Variants in SCN4B observed in about 807,000 individuals in gnomAD.
SCN4B encodes sodium channel regulatory subunit beta-4.
Under a neutral mutation model 19.6 loss-of-function variants are expected in SCN4B, and 20 were observed. The ratio of observed to expected loss-of-function variants is 1.02; its 90% CI spans 0.72 to 1.48. The LOEUF (loss-of-function observed/expected upper bound fraction) is 1.48, where lower values mean the gene tolerates loss of function less well. SCN4B is among the 40% of genes most tolerant of loss of function. The pLI, the probability that SCN4B is intolerant of heterozygous loss-of-function variation, is 0.00. For missense variants in SCN4B, 271 were observed against 287.5 expected (o/e 0.94, Z 0.42); for synonymous variants, 127 against 122.8 (o/e 1.03, Z -0.22).
rs1948134379 is a variant in SCN4B at position 118,143,951 on chromosome 11, G to A, written c.345C>T (p.Ser115=). ...GSTKEKMNNI[S]IVLRDLEFSD... ...TGAACTCCAGGTCCCTCAGCACAAT[G>A]GAAATGTTGTTCATCTTCTCCTTAG... Residue 115 remains serine (S), a synonymous_variant, in exon 3 of 5, where the codon TCC becomes TCT. Coordinates refer to ENST00000324727, the MANE Select transcript of SCN4B (RefSeq NM_174934.4). The A allele has an allele frequency of 2.5e-6, 4 of 1,614,084 alleles. No homozygotes were observed. The highest frequency in any genetic ancestry group is 3.4e-6 in the Non-Finnish European group (4 of 1,179,956).
intron 4 of SCN4B, among the ~76,000 whole-genome samples, chr11:118,138,066 T>A (rs535472381): frequency 6.4e-4 from 97 of 152,220 alleles, no homozygotes; most frequent in African/African-American, 2.3e-3. Flanking sequence ...CGCTCTGAGC[T>A]GGACATGCTC....
chr11:118,150,134 G>T (rs1367900827), intron 1 of SCN4B, among the ~76,000 whole-genome samples: 1 of 152,154 alleles, frequency 6.6e-6, no homozygotes, highest in African/African-American at 2.4e-5. Context: ...ACCCTCACAA[G>T]TGATAATTAA....
In SCN4B at chr11:118,152,659, C is replaced by T; in HGVS notation, c.15G>A (p.Gly5=). Residue 5 remains glycine, a synonymous_variant, in exon 1 of 5, where the codon GGG becomes GGA. Coordinates refer to ENST00000324727, the MANE Select transcript of SCN4B (RefSeq NM_174934.4). Reference sequence around the variant, plus strand: ...ATCTCGCCGGGGCTTTGCCTCCGTCCCCAGCCCCGGGCATAGTCCTGTTCT... The same window carrying T: ...ATCTCGCCGGGGCTTTGCCTCCGTCTCCAGCCCCGGGCATAGTCCTGTTCT... MPGA[G]DGGKAPARWL... The T allele has an allele frequency of 6.2e-7, 1 of 1,611,118 alleles. No homozygotes were observed. The highest frequency in any genetic ancestry group is 8.5e-7 in the Non-Finnish European group (1 of 1,178,374).
intron 1 of SCN4B, 181 bp from the exon 2 acceptor site, chr11:118,145,410 T>G: frequency 6.6e-7 from 1 of 1,522,828 alleles, no homozygotes; most frequent in Non-Finnish European, 8.8e-7. Flanking sequence ...TCCATCATTC[T>G]CCATTTCTCC....
At chr11:118,143,341 G>A (rs1452499143) in intron 3 of SCN4B, among the ~76,000 whole-genome samples, 1 of 152,234 alleles carries the variant, frequency 6.6e-6, no homozygotes, top group Non-Finnish European at 1.5e-5. Flanking sequence ...TCTACTGACA[G>A]ATGTATGCAT....
chr11:118,145,719 T>C, intron 1 of SCN4B: 1 of 297,218 alleles, frequency 3.4e-6, no homozygotes, highest in Non-Finnish European at 6.6e-6. Flanking sequence ...CCGGGTCCCG[T>C]AAGGTGAAGA....
At chr11:118,143,431 A>G (rs1224673868) in intron 3 of SCN4B, among the ~76,000 whole-genome samples, 1 of 152,218 alleles carries the variant, frequency 6.6e-6, no homozygotes, top group African/African-American at 2.4e-5. Flanking sequence ...AATGTAATGT[A>G]TCACTCATAG....
intron 3 of SCN4B, among the ~76,000 whole-genome samples, chr11:118,142,559 A>G (rs1948111882): frequency 1.3e-5 from 2 of 151,882 alleles, no homozygotes; most frequent in Non-Finnish European, 2.9e-5. Flanking sequence ...GTATCTCCAT[A>G]CACAGAAGAG....
At chr11:118,147,791 G>A (rs1057366378) in intron 1 of SCN4B, among the ~76,000 whole-genome samples, 10 of 152,152 alleles carry the variant, frequency 6.6e-5, no homozygotes, top group African/African-American at 1.9e-4. Flanking sequence ...CTCCCTCAGG[G>A]CACCAAGGAG....
At chr11:118,146,644 TGAAG>T (rs774517775) in intron 1 of SCN4B, among the ~76,000 whole-genome samples, 120 of 152,330 alleles carry the variant, frequency 7.9e-4, no homozygotes, top group South Asian at 3.1e-3. Flanking sequence ...GATGACAAAG[TGAAG>T]TGCTTATATC....
chr11:118,140,421 T>TG (rs1948079945), intron 4 of SCN4B, among the ~76,000 whole-genome samples: 1 of 152,172 alleles, frequency 6.6e-6, no homozygotes. Flanking sequence ...TTTCAGCAAA[T>TG]AGGGGCAGAG....
At chr11:118,137,201 G>A in intron 4 of SCN4B, 81 bp from the exon 5 acceptor site, 1 of 1,034,016 alleles carries the variant, frequency 9.7e-7, no homozygotes, top group Non-Finnish European at 1.5e-6. Context: ...CGTGGGCCCT[G>A]CACCCAGCCC....
intron 4 of SCN4B, among the ~76,000 whole-genome samples, chr11:118,139,582 T>G (rs1321336952): frequency 1.3e-5 from 2 of 151,588 alleles, no homozygotes; most frequent in Non-Finnish European, 2.9e-5. Context: ...AACAGATAAA[T>G]GAATGAACTC....
At position 118,137,057 on chromosome 11, in the gene SCN4B, C is replaced by T. The variant is rs753803503; in HGVS notation, c.657G>A (p.Lys219=). The change falls in exon 5 of 5, where the codon AAG becomes AAA. Residue 219 remains lysine (K), a synonymous_variant. Coordinates refer to ENST00000324727, the MANE Select transcript of SCN4B (RefSeq NM_174934.4). ...CTTTTGAAGGTGGTTTCTCCTCTGC[C>T]TTGGAGCCAGGCAAGCCGTTCTCCG... The part of the protein sequence containing the change: ...DNTENGLPGS[K]AEEKPPSKV 1 of 1,614,122 alleles carries T rather than the reference C, an allele frequency of 6.2e-7. No homozygotes were observed. The highest frequency in any genetic ancestry group is 1.1e-5 in the South Asian group (1 of 91,084).
chr11:118,147,307 A>G (rs628299), intron 1 of SCN4B, among the ~76,000 whole-genome samples: 63,207 of 152,064 alleles, frequency 0.42, 13,244 homozygotes, highest in African/African-American at 0.46. Flanking sequence ...AGCAGTTACT[A>G]TAGGATAGGA....
chr11:118,143,472 C>A (rs1948126095), intron 3 of SCN4B, among the ~76,000 whole-genome samples: 1 of 152,208 alleles, frequency 6.6e-6, no homozygotes. Flanking sequence ...GACATTCAAT[C>A]AATTTTTGCT....
chr11:118,135,475 A>G lies in SCN4B; in HGVS notation c.*1552T>C, dbSNP rs1947981593. 2 of 454,096 alleles carry G rather than the reference A, an allele frequency of 4.4e-6. No homozygotes were observed. The highest frequency in any genetic ancestry group is 8.8e-6 in the Non-Finnish European group (2 of 226,786). 28.1% of individuals were successfully genotyped at this position (454,096 alleles called of 1,614,324 possible). On this transcript the variant is annotated 3_prime_UTR_variant, in exon 5 of 5. Transcript: ENST00000324727. ...TAAGGGAGAGAGGGATTGGAAGTAG[A>G]TGGGCAGAGAGGCTTGTTACCACTT...
chr11:118,134,939 G>A lies in SCN4B; in HGVS notation c.*2088C>T, dbSNP rs764970069. On this transcript the variant is annotated 3_prime_UTR_variant, in exon 5 of 5. Coordinates refer to ENST00000324727, the MANE Select transcript of SCN4B (RefSeq NM_174934.4). ...AGCTGCATGATCCATCTAGAAATCA[G>A]CAGTAGACCCTGGGGAGGAAAGAGA... The A allele has an allele frequency of 2.2e-6, 1 of 454,144 alleles. No individual in the cohort carries two copies. The highest frequency in any genetic ancestry group is 4.4e-6 in the Non-Finnish European group (1 of 226,796). 28.1% of individuals were successfully genotyped at this position (454,144 alleles called of 1,614,324 possible).
intron 1 of SCN4B, among the ~76,000 whole-genome samples, chr11:118,150,360 G>A (rs944952424): frequency 9.9e-5 from 15 of 152,082 alleles, no homozygotes; most frequent in African/African-American, 2.4e-4. Flanking sequence ...GGTTTGATAC[G>A]GGGAGAGGGG....
Sources: allele counts gnomAD v4.1 joint callset (sites outside exome capture counted in the v4.1 genomes callset), GRCh38; gene constraint gnomAD v4.1.1; transcripts MANE v1.5; gene names NCBI Gene and HGNC (gene_info 2026-07-23, HGNC 2026-07-21).